The following FAM81A variants were observed in gnomAD, a reference collection of about 807,000 sequenced individuals.
FAM81A encodes the protein protein FAM81A.
A neutral mutation model predicts 46.7 loss-of-function variants in FAM81A; 19 were observed. The observed-to-expected ratio is 0.41, with a 90% CI of 0.28 to 0.60. The LOEUF is 0.60. FAM81A is among the 20% of genes least tolerant of loss of function. The pLI is 0.34. For missense variants in FAM81A, 377 were observed against 453.5 expected (o/e 0.83, Z 1.53); for synonymous variants, 183 against 152.9 (o/e 1.20, Z -1.45).
intron 1 of FAM81A, chr15:59,401,623 G>T: frequency 2.2e-6 from 2 of 917,094 alleles, no homozygotes; most frequent in East Asian, 2.4e-5. Context: ...TTTCTCCCTG[G>T]GCACATACTT....
chr15:59,455,261 C>T (rs2081469665), intron 1 of FAM81A, among the ~76,000 whole-genome samples: 2 of 151,970 alleles, frequency 1.3e-5, no homozygotes, highest in South Asian at 2.1e-4. Context: ...GTCCCTTCCC[C>T]CAACTTCCCC....
At chr15:59,447,585 A>T (rs1445857547) in intron 1 of FAM81A, among the ~76,000 whole-genome samples, 1 of 152,152 alleles carries the variant, frequency 6.6e-6, no homozygotes, top group Non-Finnish European at 1.5e-5. Flanking sequence ...ATTTGTGGAA[A>T]GCTCCTGCTA....
Position 59,492,338 on chromosome 15 carries a change from T to C in FAM81A, c.362T>C (p.Leu121Pro). ...GGAACTAATTCTGCCTTAAAGACCC[T>C]GGAGATGCGCCAGCTCTCCGGTTTG... Reference protein sequence around the residue: ...SYGTNSALKTLEMRQLSGLGD... With the variant: ...SYGTNSALKTPEMRQLSGLGD... Residue 121 changes from leucine to proline, a missense_variant, in exon 4 of 9, where the codon CTG (leucine) becomes CCG (proline). By Grantham distance (98) the Leu-to-Pro change is moderately conservative. Transcript: ENST00000288228. 1 of 1,613,868 alleles carries C rather than the reference T, an allele frequency of 6.2e-7. No homozygotes were observed. Among genetic ancestry groups the C allele is most frequent in the Non-Finnish European group, 8.5e-7 (1 of 1,179,850 alleles).
At chr15:59,477,211 G>A (rs577711977) in intron 3 of FAM81A, among the ~76,000 whole-genome samples, 4 of 151,848 alleles carry the variant, frequency 2.6e-5, no homozygotes, top group Non-Finnish European at 4.4e-5. Context: ...GAGGTGTGAA[G>A]ATATTTAAAT....
chr15:59,425,178 A>G (rs1423893815), intron 2 of FAM81A, among the ~76,000 whole-genome samples: 9 of 152,118 alleles, frequency 5.9e-5, no homozygotes, highest in Non-Finnish European at 1.5e-5. Flanking sequence ...CTTAGAATGT[A>G]AGCTCCATGA....
intron 1 of FAM81A, among the ~76,000 whole-genome samples, chr15:59,456,649 C>A (rs2081488608): frequency 6.6e-6 from 1 of 152,174 alleles, no homozygotes. Context: ...TATCATGGCT[C>A]ACTGTAGCCT....
chr15:59,431,863 G>A (rs983928361), intron 2 of FAM81A, among the ~76,000 whole-genome samples: 2 of 152,154 alleles, frequency 1.3e-5, no homozygotes, highest in African/African-American at 4.8e-5. Context: ...AACCTACTAC[G>A]TGACTATGTG....
At chr15:59,426,547 G>A (rs1280204418) in intron 2 of FAM81A, among the ~76,000 whole-genome samples, 1 of 152,248 alleles carries the variant, frequency 6.6e-6, no homozygotes, top group Non-Finnish European at 1.5e-5. Flanking sequence ...AGGAGGCAGA[G>A]GTTGCGGTGA....
At chr15:59,498,552 C>T (rs144989446) in intron 4 of FAM81A, among the ~76,000 whole-genome samples, 1 of 152,230 alleles carries the variant, frequency 6.6e-6, no homozygotes, top group African/African-American at 2.4e-5. Context: ...ACCTCGAGTA[C>T]GATGTTGAAT....
intron 3 of FAM81A, among the ~76,000 whole-genome samples, chr15:59,471,015 A>G (rs1458936443): frequency 1.3e-5 from 2 of 152,078 alleles, no homozygotes; most frequent in African/African-American, 4.8e-5. Context: ...AGGTTTTGCC[A>G]TGTTGCCCAG....
At chr15:59,432,583 G>A (rs2081225227) in intron 2 of FAM81A, among the ~76,000 whole-genome samples, 1 of 152,128 alleles carries the variant, frequency 6.6e-6, no homozygotes, top group Non-Finnish European at 1.5e-5. Context: ...AGGGGCCCAA[G>A]TTCAAATTCT....
chr15:59,419,742 C>T (rs117806681), intron 2 of FAM81A, among the ~76,000 whole-genome samples: 4,676 of 152,082 alleles, frequency 0.031, 197 homozygotes, highest in East Asian at 0.2. Context: ...GGCGTGCTGG[C>T]GGACGCCTGT....
At chr15:59,516,235 C>T (rs1332572797) in intron 7 of FAM81A, among the ~76,000 whole-genome samples, 3 of 150,986 alleles carry the variant, frequency 2.0e-5, no homozygotes, top group Admixed American at 6.6e-5. Context: ...AAGTGATTCT[C>T]CTGCCTCAGC....
intron 2 of FAM81A, among the ~76,000 whole-genome samples, chr15:59,413,624 A>G (rs564694653): frequency 4.8e-4 from 73 of 152,256 alleles, no homozygotes; most frequent in African/African-American, 1.7e-3. Flanking sequence ...TGTAGCATGC[A>G]AGAGCTCTTG....
At chr15:59,462,031 A>G (rs1265804720) in intron 3 of FAM81A, among the ~76,000 whole-genome samples, 2 of 151,848 alleles carry the variant, frequency 1.3e-5, no homozygotes, top group African/African-American at 4.8e-5. Flanking sequence ...GTGAAACCCC[A>G]TCTCTACTAA....
intron 1 of FAM81A, among the ~76,000 whole-genome samples, chr15:59,449,713 C>T (rs1278328721): frequency 1.6e-5 from 2 of 124,094 alleles, no homozygotes; most frequent in Admixed American, 2.3e-4. Context: ...ACCCGGGAAG[C>T]GGAGCTTGCA....
intron 8 of FAM81A, among the ~76,000 whole-genome samples, chr15:59,519,560 TTTCCC>T (rs201182251): frequency 0.029 from 4,364 of 149,296 alleles, 96 homozygotes; most frequent in Non-Finnish European, 0.046. Context: ...CTTTCTTTCC[TTTCCC>T]TTCCCTTCCC....
intron 2 of FAM81A, among the ~76,000 whole-genome samples, chr15:59,430,314 G>C (rs1009512340): frequency 3.6e-5 from 5 of 140,010 alleles, no homozygotes; most frequent in Admixed American, 7.7e-5. Context: ...ACCCAAGCTG[G>C]AGTGCAGTGG....
At chr15:59,496,364 T>C (rs1259124474) in intron 4 of FAM81A, among the ~76,000 whole-genome samples, 1 of 152,142 alleles carries the variant, frequency 6.6e-6, no homozygotes, top group African/African-American at 2.4e-5. Flanking sequence ...CCCAGTGCAT[T>C]GGGAGGCCGA....
Sources: gnomAD v4.1 joint callset for allele counts (sites outside exome capture counted in the v4.1 genomes callset) on GRCh38, gnomAD v4.1.1 for gene constraint, MANE v1.5 for transcripts, NCBI Gene and HGNC (gene_info 2026-07-23, HGNC 2026-07-21) for gene names.